Variants in NREP observed in about 807,000 individuals in gnomAD.
NREP encodes the protein neuronal regeneration-related protein.
NREP carries 5 observed loss-of-function variants against 8.6 expected under a neutral mutation model. The ratio of observed to expected loss-of-function variants is 0.58; its 90% CI spans 0.30 to 1.22. The LOEUF (loss-of-function observed/expected upper bound fraction) is 1.22, where lower values mean the gene tolerates loss of function less well. Among genes scored for constraint, NREP ranks in the 50% most tolerant of loss-of-function variants. The pLI is 0.07. For missense variants in NREP, 86 were observed against 82.5 expected, an observed-to-expected ratio of 1.04 and a Z score of -0.17; for synonymous variants, 27 against 28.0, an observed-to-expected ratio of 0.96 and a Z score of 0.11.
intron 2 of NREP, among the ~76,000 whole-genome samples, chr5:111,772,968 C>T (rs1157299431): frequency 6.6e-6 from 1 of 152,046 alleles, no homozygotes; most frequent in African/African-American, 2.4e-5. Context: ...ATTTTAGGTT[C>T]CGTGTTTATC....
intron 2 of NREP, among the ~76,000 whole-genome samples, chr5:111,883,368 A>T (rs530293775): frequency 6.6e-6 from 1 of 152,268 alleles, no homozygotes; most frequent in South Asian, 2.1e-4. Flanking sequence ...CCACACAATA[A>T]TAATGGGAGA....
chr5:111,799,364 GTCATTT>G (rs1264532972), intron 2 of NREP, among the ~76,000 whole-genome samples: 6 of 152,122 alleles, frequency 3.9e-5, no homozygotes, highest in African/African-American at 1.4e-4. Flanking sequence ...TAGCAGTATG[GTCATTT>G]TCACAATATT....
In NREP at chr5:111,750,874, T is replaced by C. The variant is rs540637286; in HGVS notation, c.3+4896A>G. On this transcript the variant is annotated intron_variant, in intron 2 of 3. Transcript: ENST00000257435. ...TCTGGAAGCTGGGAAAGGTTAGCCATTGCAAGTCACGTTCTTTTGGCAAGT... is the reference window on the plus strand; with the variant it reads ...TCTGGAAGCTGGGAAAGGTTAGCCACTGCAAGTCACGTTCTTTTGGCAAGT... Among the ~76,000 whole-genome samples the C allele has an allele frequency of 4.6e-5, 7 of 152,306 alleles. 1 individual carries two copies. Among genetic ancestry groups the C allele is most frequent in the African/African-American group, 1.7e-4 (7 of 41,570 alleles).
rs181351086 is a variant in NREP, at chr5:111,799,125, A to G, written c.136-63618T>C. ...GTTCTCTATTCTGTTCCATTGGTCT[A>G]TGTGCCTATTTTTATACCAGTACCA... On this transcript the variant is annotated intron_variant, in intron 2 of 3. Coordinates refer to the NREP transcript ENST00000395634. Among the ~76,000 whole-genome samples the G allele has an allele frequency of 3.9e-4, 59 of 152,182 alleles. No individual in the cohort carries two copies. In the East Asian group the frequency reaches 0.011, roughly 28 times the overall value.
chr5:111,926,519 G>C (rs1193503170), intron 2 of NREP, among the ~76,000 whole-genome samples: 1 of 151,942 alleles, frequency 6.6e-6, no homozygotes, highest in East Asian at 1.9e-4. Flanking sequence ...CTAATTGTTG[G>C]ATAATATTAA....
rs1027354779 is a variant in NREP at position 111,757,192 on chromosome 5, T to C, written c.-115A>G. 2.1e-5 allele frequency: 20 copies of C among 952,798 alleles called. No individual in the cohort carries two copies. Among genetic ancestry groups the C allele is most frequent in the South Asian group, 9.9e-5 (2 of 20,248 alleles). The allele number at this position is 952,798 out of a possible 1,614,324, so 59.0% of individuals were successfully genotyped here. A position where few individuals can be genotyped will look rare whatever the true frequency, so the allele number is the denominator to read the frequency against. On this transcript the variant is annotated 5_prime_UTR_variant, in exon 1 of 4. Coordinates refer to ENST00000257435, the MANE Select transcript of NREP (RefSeq NM_004772.4). Reference sequence around the variant, plus strand: ...CTCCTCTCTACACCTGAAACACAAATGTGGTTGAAAAAGGGCAACATGCTA... The same window carrying C: ...CTCCTCTCTACACCTGAAACACAAACGTGGTTGAAAAAGGGCAACATGCTA...
At chr5:111,821,379 A>T (rs1262257647) in intron 2 of NREP, among the ~76,000 whole-genome samples, 1 of 151,654 alleles carries the variant, frequency 6.6e-6, no homozygotes, top group Non-Finnish European at 1.5e-5. Context: ...AAAAAAAAAA[A>T]TCAACTCCTG....
At chr5:111,862,159 T>C (rs993338671) in intron 2 of NREP, among the ~76,000 whole-genome samples, 5 of 152,224 alleles carry the variant, frequency 3.3e-5, no homozygotes, top group African/African-American at 9.6e-5. Context: ...TTTGGCAAGA[T>C]GTCTACAATT....
chr5:111,883,881 A>G (rs1754155949), intron 2 of NREP, among the ~76,000 whole-genome samples: 1 of 152,232 alleles, frequency 6.6e-6, no homozygotes, highest in East Asian at 1.9e-4. Flanking sequence ...GGAAAGATCT[A>G]AAATTCACAC....
intron 2 of NREP, among the ~76,000 whole-genome samples, chr5:111,842,245 G>A (rs1164534052): frequency 6.6e-6 from 1 of 152,128 alleles, no homozygotes; most frequent in Admixed American, 6.6e-5. Context: ...TAAATTTGGA[G>A]CATGGATATA....
intron 2 of NREP, chr5:111,974,321 C>T (rs1203489618): frequency 6.6e-6 from 1 of 152,190 alleles, no homozygotes; most frequent in African/African-American, 2.4e-5. Flanking sequence ...TGGTGTTACC[C>T]TCAAAGAAAT....
intron 2 of NREP, among the ~76,000 whole-genome samples, chr5:111,863,183 G>A (rs1023035648): frequency 6.6e-6 from 1 of 152,044 alleles, no homozygotes; most frequent in Non-Finnish European, 1.5e-5. Flanking sequence ...AGTAGAGAGA[G>A]AGAAACATGA....
chr5:111,847,029 G>A (rs1295362362), intron 2 of NREP, among the ~76,000 whole-genome samples: 2 of 151,958 alleles, frequency 1.3e-5, no homozygotes, highest in Non-Finnish European at 2.9e-5. Context: ...TGATGCCAGA[G>A]ACTGCTGGGC....
At chr5:111,731,176 T>A in intron 3 of NREP, 130 bp from the exon 4 acceptor site, 1 of 906,364 alleles carries the variant, frequency 1.1e-6, no homozygotes, top group East Asian at 2.7e-5. Context: ...CTCTTGCTGT[T>A]TTGCAAAACA....
At chr5:111,763,096 C>T (rs1363100018) in intron 2 of NREP, among the ~76,000 whole-genome samples, 1 of 152,210 alleles carries the variant, frequency 6.6e-6, no homozygotes, top group African/African-American at 2.4e-5. Context: ...TTTCAAGTTT[C>T]CAGCTGTATT....
At chr5:111,761,416 C>T (rs1750957782), upstream of NREP, among the ~76,000 whole-genome samples, 1 of 152,154 alleles carries the variant, frequency 6.6e-6, no homozygotes, top group African/African-American at 2.4e-5. Context: ...TTTGCTAATT[C>T]CTGCTCCTTC....
intron 2 of NREP, among the ~76,000 whole-genome samples, chr5:111,779,164 A>G (rs763324976): frequency 1.3e-5 from 2 of 152,190 alleles, no homozygotes; most frequent in Non-Finnish European, 2.9e-5. Flanking sequence ...ATTTCTGTTC[A>G]CTTGGCTACA....
intron 3 of NREP, chr5:111,732,064 C>G (rs926759240): frequency 1.3e-5 from 2 of 151,060 alleles, no homozygotes; most frequent in African/African-American, 4.9e-5. Flanking sequence ...AGAAATTATC[C>G]TTTGTGGTTT....
At chr5:111,740,649 C>G (rs1749566130) in intron 2 of NREP, among the ~76,000 whole-genome samples, 1 of 152,082 alleles carries the variant, frequency 6.6e-6, no homozygotes, top group Non-Finnish European at 1.5e-5. Flanking sequence ...AGAGACCAGT[C>G]CCCCAAGGTC....
Sources: gnomAD v4.1 joint callset for allele counts (sites outside exome capture counted in the v4.1 genomes callset) on GRCh38, gnomAD v4.1.1 for gene constraint, MANE v1.5 for transcripts, NCBI Gene and HGNC (gene_info 2026-07-23, HGNC 2026-07-21) for gene names.